Variants in SYT7 observed in about 807,000 individuals in gnomAD.
SYT7 encodes the protein synaptotagmin-7.
In SYT7, 29 loss-of-function variants were observed where a neutral mutation model predicts 75.1. The ratio of observed to expected loss-of-function variants is 0.39; its 90% CI spans 0.29 to 0.53. The LOEUF is 0.53. Among genes scored for constraint, SYT7 ranks in the 20% least tolerant of loss-of-function variants. The probability of loss-of-function intolerance (pLI) is 0.77; values close to 1 mark genes in which losing one functional copy is unlikely to be tolerated. For synonymous variants in SYT7, 376 were observed against 401.7 expected, an observed-to-expected ratio of 0.94 and a Z score of 0.76; for missense variants, 693 against 953.2, an observed-to-expected ratio of 0.73 and a Z score of 3.59.
upstream of SYT7, among the ~76,000 whole-genome samples, chr11:61,585,563 A>T (rs1033440665): frequency 6.6e-6 from 1 of 152,172 alleles, no homozygotes; most frequent in Non-Finnish European, 1.5e-5. Flanking sequence ...TCTGGAGAAG[A>T]TAAAAGTATA....
At chr11:61,549,812 G>A (rs934676628) in intron 3 of SYT7, among the ~76,000 whole-genome samples, 1 of 152,202 alleles carries the variant, frequency 6.6e-6, no homozygotes, top group Admixed American at 6.5e-5. Context: ...AGCCCTCATG[G>A]GCACTGGTCC....
rs1216053985 is a variant in SYT7 at position 61,553,267 on chromosome 11, T to C, written c.136-1804A>G. Reference sequence around the variant, plus strand: ...TGCCACAGTGACCTCAGGCCCCCTTTGGCAGGACCCTCAGGCAGGAGCCCC... The same window carrying C: ...TGCCACAGTGACCTCAGGCCCCCTTCGGCAGGACCCTCAGGCAGGAGCCCC... On this transcript the variant is annotated intron_variant, in intron 2 of 12. Transcript: ENST00000539008. The surrounding 1 kb of genome is among the most constrained non-coding windows in gnomAD (Gnocchi z 5.2). 6.6e-6 allele frequency among the ~76,000 whole-genome samples: 1 copy of C among 152,182 alleles called. No individual in the cohort carries two copies. Among genetic ancestry groups the C allele is most frequent in the Non-Finnish European group, 1.5e-5 (1 of 68,016 alleles).
Position 61,527,903 on chromosome 11 carries a change from C to T in SYT7, c.1471+12G>A. 6.2e-7 allele frequency: 1 copy of T among 1,612,612 alleles called. No individual in the cohort carries two copies. Among genetic ancestry groups the T allele is most frequent in the Non-Finnish European group, 8.5e-7 (1 of 1,178,928 alleles). On this transcript the variant is annotated intron_variant, in intron 9 of 12. Transcript: ENST00000539008. ...AGGTGACCATGGCGGGGGAAGGTGG[C>T]ACTAGACTCACCTTCAAAGAGGAAG...
intron 7 of SYT7, chr11:61,533,503 G>A (rs2062773963): frequency 1.0e-6 from 1 of 985,282 alleles, no homozygotes; most frequent in South Asian, 4.7e-5. Context: ...CCCCCAGCCT[G>A]GAAGGGGGAG....
chr11:61,553,812 G>C lies in SYT7; in HGVS notation c.135+2292C>G, dbSNP rs1386762372. 1.3e-5 allele frequency among the ~76,000 whole-genome samples: 2 copies of C among 152,168 alleles called. No individual in the cohort carries two copies. The highest frequency in any genetic ancestry group is 2.9e-5 in the Non-Finnish European group (2 of 68,030). On this transcript the variant is annotated intron_variant, in intron 2 of 12. Transcript: ENST00000539008. The surrounding 1 kb of genome is among the most constrained non-coding windows in gnomAD (Gnocchi z 5.2). ...AATGTTTGGAAATGGGATCTGGGCT[G>C]TCAGGGTATCACGTCACTGCTGCTG...
intron 2 of SYT7, among the ~76,000 whole-genome samples, chr11:61,555,625 G>T (rs2063478679): frequency 6.6e-6 from 1 of 152,246 alleles, no homozygotes; most frequent in Admixed American, 6.5e-5. Flanking sequence ...TGCGGGGGTG[G>T]GGCGGGCGGC....
At chr11:61,529,926 A>T (rs1177429205) in intron 8 of SYT7, among the ~76,000 whole-genome samples, 1 of 151,998 alleles carries the variant, frequency 6.6e-6, no homozygotes, top group Non-Finnish European at 1.5e-5. Context: ...TGAGCCACAC[A>T]CCCGGCCTCA....
At position 61,518,573 on chromosome 11, in the gene SYT7, G is replaced by T; in HGVS notation, c.*54C>A. The T allele has an allele frequency of 7.6e-7, 1 of 1,322,312 alleles. No individual in the cohort carries two copies. The highest frequency in any genetic ancestry group is 1.5e-5 in the African/African-American group (1 of 67,648). 81.9% of individuals were successfully genotyped at this position (1,322,312 alleles called of 1,614,324 possible). On this transcript the variant is annotated 3_prime_UTR_variant, in exon 13 of 13. Coordinates refer to ENST00000539008, the MANE Select transcript of SYT7 (RefSeq NM_001365809.2). Reference sequence around the variant, plus strand: ...GGCCGGGCGTTGTGCATAAAGTGGTGAGGGCATGATGGGGACCTGGGCCCT... The same window carrying T: ...GGCCGGGCGTTGTGCATAAAGTGGTTAGGGCATGATGGGGACCTGGGCCCT...
intron 7 of SYT7, among the ~76,000 whole-genome samples, chr11:61,537,306 C>T (rs772662695): frequency 2.0e-5 from 3 of 152,044 alleles, no homozygotes; most frequent in African/African-American, 7.2e-5. Context: ...CCTGGGACCT[C>T]CCACCCTACC....
chr11:61,520,202 A>AT lies in SYT7; in HGVS notation c.1957-1472dup, dbSNP rs112047358. 1.8e-3 allele frequency among the ~76,000 whole-genome samples: 262 copies of AT among 142,174 alleles called. 2 individuals carry two copies. The highest frequency in any genetic ancestry group is 4.7e-3 in the South Asian group (21 of 4,446). The allele number at this position is 142,174 out of a possible 152,430, so 93.3% of individuals were successfully genotyped here. On this transcript the variant is annotated intron_variant, in intron 12 of 12. Transcript: ENST00000539008. ...ACCACGCCCAGCCAATAAACAGTGT[A>AT]TTTTTTTTTTTTTTTAAAAAGGATG...
chr11:61,582,390 T>C (rs2064298723), upstream of SYT7, among the ~76,000 whole-genome samples: 3 of 151,926 alleles, frequency 2.0e-5, no homozygotes, highest in African/African-American at 7.3e-5. Flanking sequence ...CAGCCACACC[T>C]CCACCTGCCC....
In SYT7 at chr11:61,520,053, CGTG is replaced by C. The variant is rs1565159801; in HGVS notation, c.1957-1325_1957-1323del. ...CAAACTGGTCTCACACTCCTGACCT[CGTG>C]ATCTGGGCAAACTGGTCTCACACTC... On this transcript the variant is annotated intron_variant, in intron 12 of 12. Coordinates refer to ENST00000539008, the MANE Select transcript of SYT7 (RefSeq NM_001365809.2). Among the ~76,000 whole-genome samples, 10 of 103,476 alleles carry C rather than the reference CGTG, an allele frequency of 9.7e-5. No individual in the cohort carries two copies. The African/African-American group carries it at 1.1e-3, about 11-fold the overall frequency. 67.9% of individuals were successfully genotyped at this position (103,476 alleles called of 152,430 possible). A position where few individuals can be genotyped will look rare whatever the true frequency, so the allele number is the denominator to read the frequency against.
chr11:61,570,164 C>T (rs118173529), intron 1 of SYT7, among the ~76,000 whole-genome samples: 1,780 of 152,308 alleles, frequency 0.012, 12 homozygotes, highest in Non-Finnish European at 0.02. Context: ...AGTGATGAGG[C>T]CAGATGCAGA....
chr11:61,528,520 C>T (rs902400156), intron 8 of SYT7, among the ~76,000 whole-genome samples: 17 of 152,258 alleles, frequency 1.1e-4, no homozygotes, highest in Admixed American at 1.3e-4. Context: ...GCTTCCCTGG[C>T]GCGTGCTGGG....
chr11:61,586,104 C>T (rs2064378827), upstream of SYT7, among the ~76,000 whole-genome samples: 1 of 152,154 alleles, frequency 6.6e-6, no homozygotes, highest in African/African-American at 2.4e-5. Context: ...AACCATATTC[C>T]CACCTCACCC....
chr11:61,540,885 A>G (rs1272292286), intron 6 of SYT7: 62 of 985,368 alleles, frequency 6.3e-5, no homozygotes, highest in Non-Finnish European at 7.3e-5. Flanking sequence ...GGAAGACCGG[A>G]GGCTCTTCTG....
chr11:61,534,428 C>T (rs1402632997), intron 7 of SYT7, among the ~76,000 whole-genome samples: 1 of 85,814 alleles, frequency 1.2e-5, no homozygotes, highest in African/African-American at 5.5e-5. Context: ...CATGCGCATA[C>T]ACACACGCAC....
At position 61,528,203 on chromosome 11, in the gene SYT7, G is replaced by T; in HGVS notation, c.1201-18C>A. 6.2e-7 allele frequency: 1 copy of T among 1,607,258 alleles called. No individual in the cohort carries two copies. The highest frequency in any genetic ancestry group is 8.5e-7 in the Non-Finnish European group (1 of 1,179,240). ...GGGGAGAGCTGGGGGTGGGGGAGAG[G>T]CCGGCAGGGTTTGGGGAGGATTCTG... On this transcript the variant is annotated intron_variant, in intron 8 of 12. Transcript: ENST00000539008.
rs1031407029 is a variant in SYT7 at position 61,556,048 on chromosome 11, G to A, written c.135+56C>T. The A allele has an allele frequency of 2.8e-6, 4 of 1,445,040 alleles. No individual in the cohort carries two copies. In the East Asian group the frequency reaches 9.3e-5, roughly 34 times the overall value. 89.5% of individuals were successfully genotyped at this position (1,445,040 alleles called of 1,614,324 possible). On this transcript the variant is annotated intron_variant, in intron 2 of 12. Coordinates refer to ENST00000539008, the MANE Select transcript of SYT7 (RefSeq NM_001365809.2). ...TGTAATTGTGTGTGTGTGTGGGGAG[G>A]GGGGGCAGTGTGCAGGGCTAGGCAC...
Sources: gnomAD v4.1 joint callset for allele counts (sites outside exome capture counted in the v4.1 genomes callset) on GRCh38, gnomAD v4.1.1 for gene constraint, Gnocchi (gnomAD v3.1) non-coding constraint, MANE v1.5 for transcripts, NCBI Gene and HGNC (gene_info 2026-07-23, HGNC 2026-07-21) for gene names.